The following MAGI2 variants were observed in gnomAD, a reference collection of about 807,000 sequenced individuals.
The protein encoded by MAGI2 is membrane-associated guanylate kinase, WW and PDZ domain-containing protein 2.
In MAGI2, 35 loss-of-function variants were observed where a neutral mutation model predicts 133.3. That is an observed-to-expected ratio of 0.26 (90% CI 0.20 to 0.35). The LOEUF (loss-of-function observed/expected upper bound fraction) is 0.35. Ranked by LOEUF, MAGI2 falls within the 10% of genes least tolerant of loss-of-function variation. The pLI, the probability that MAGI2 is intolerant of heterozygous loss-of-function variation, is 1.00. For synonymous variants in MAGI2, 729 were observed against 710.6 expected (o/e 1.03, Z -0.41); for missense variants, 1,636 against 1,863.4 (o/e 0.88, Z 2.25).
chr7:78,999,116 G>A (rs1438290710), intron 2 of MAGI2, among the ~76,000 whole-genome samples: 1 of 151,916 alleles, frequency 6.6e-6, no homozygotes, highest in African/African-American at 2.4e-5. Flanking sequence ...ATGATCAATA[G>A]CCCACAAACC....
rs78401656 is a variant in MAGI2 at position 79,407,354 on chromosome 7, A to G, written c.301+45666T>C. On this transcript the variant is annotated intron_variant, in intron 1 of 21. Transcript: ENST00000354212. The stretch of plus-strand genomic sequence containing the variant: ...GTGATTCTTACAAACCCTGAAAGAT[A>G]TATTATCTCAGCTCCTAGCCTTAAT... Among the ~76,000 whole-genome samples, 248 of 152,252 alleles carry G rather than the reference A, an allele frequency of 1.6e-3. 9 individuals carry two copies. The East Asian group carries it at 0.041, about 25-fold the overall frequency.
chr7:78,988,561 C>A (rs1805475623), intron 2 of MAGI2, among the ~76,000 whole-genome samples: 1 of 152,018 alleles, frequency 6.6e-6, no homozygotes. Flanking sequence ...TTAATTAAAG[C>A]CCTGTGTTAT....
intron 1 of MAGI2, among the ~76,000 whole-genome samples, chr7:79,419,925 T>G (rs1846823034): frequency 6.6e-6 from 1 of 152,040 alleles, no homozygotes; most frequent in Admixed American, 6.6e-5. Context: ...GAATAAAATG[T>G]CCACCTACAT....
chr7:78,973,392 G>A (rs923119383), intron 2 of MAGI2, among the ~76,000 whole-genome samples: 4 of 151,678 alleles, frequency 2.6e-5, no homozygotes, highest in African/African-American at 7.3e-5. Flanking sequence ...ATCACAGAGG[G>A]ACTTCTTTAC....
Position 78,019,300 on chromosome 7 carries a change from C to T in MAGI2, c.*15G>A. The stretch of plus-strand genomic sequence containing the variant: ...GCCTGCGCCGGGGCGGGCGGGTTGG[C>T]CGTGGCCGCGCGGCTCATCTGCTGG... On this transcript the variant is annotated 3_prime_UTR_variant, in exon 22 of 22. Transcript: ENST00000354212. 6.4e-7 allele frequency: 1 copy of T among 1,570,946 alleles called. No individual in the cohort carries two copies. The highest frequency in any genetic ancestry group is 8.6e-7 in the Non-Finnish European group (1 of 1,168,110).
intron 20 of MAGI2, among the ~76,000 whole-genome samples, chr7:78,114,038 T>G (rs901481397): frequency 6.6e-6 from 1 of 152,210 alleles, no homozygotes; most frequent in African/African-American, 2.4e-5. Context: ...TGTGAGCCCC[T>G]GACAGGGTAA....
intron 2 of MAGI2, among the ~76,000 whole-genome samples, chr7:78,983,085 G>A (rs916819529): frequency 2.6e-5 from 4 of 151,894 alleles, no homozygotes; most frequent in Non-Finnish European, 5.9e-5. Context: ...ATGTTAAAAT[G>A]ATAATCTTTG....
intron 9 of MAGI2, among the ~76,000 whole-genome samples, chr7:78,318,532 T>C (rs915083654): frequency 2.0e-5 from 3 of 152,192 alleles, no homozygotes; most frequent in Non-Finnish European, 4.4e-5. Flanking sequence ...TGGGACCAAG[T>C]TGGAAAACAC....
intron 2 of MAGI2, among the ~76,000 whole-genome samples, chr7:78,655,449 AC>A (rs1563304854): frequency 9.9e-5 from 12 of 121,338 alleles, no homozygotes; most frequent in South Asian, 2.8e-4. Context: ...ACAAAAAAAA[AC>A]AACCAAAAAA....
At chr7:79,429,040 A>G (rs1004439400) in intron 1 of MAGI2, among the ~76,000 whole-genome samples, 1 of 152,114 alleles carries the variant, frequency 6.6e-6, no homozygotes, top group African/African-American at 2.4e-5. Context: ...TATAACTTCT[A>G]TATACTCTAG....
chr7:78,482,566 A>G (rs761291720), intron 6 of MAGI2, among the ~76,000 whole-genome samples: 3 of 151,950 alleles, frequency 2.0e-5, no homozygotes, highest in Non-Finnish European at 2.9e-5. Flanking sequence ...CTGGCATATT[A>G]TACTGCAATA....
intron 1 of MAGI2, among the ~76,000 whole-genome samples, chr7:79,202,253 G>A (rs1423163207): frequency 6.6e-6 from 1 of 151,846 alleles, no homozygotes; most frequent in Non-Finnish European, 1.5e-5. Flanking sequence ...AAAGGATTTT[G>A]ATTATCTACC....
chr7:78,512,513 C>T (rs1795690549), intron 4 of MAGI2, among the ~76,000 whole-genome samples: 2 of 152,226 alleles, frequency 1.3e-5, no homozygotes, highest in African/African-American at 4.8e-5. Context: ...TCAAGCGATT[C>T]TCTTGCCTCA....
intron 1 of MAGI2, among the ~76,000 whole-genome samples, chr7:79,441,491 G>A (rs1277382417): frequency 6.6e-6 from 1 of 152,012 alleles, no homozygotes; most frequent in Non-Finnish European, 1.5e-5. Flanking sequence ...TTAGCATACT[G>A]TTTGGGCTAG....
intron 1 of MAGI2, among the ~76,000 whole-genome samples, chr7:79,084,209 T>C (rs1010335207): frequency 6.6e-6 from 1 of 151,616 alleles, no homozygotes; most frequent in East Asian, 1.9e-4. Context: ...GTTCAATTTG[T>C]TCCTTTTTCT....
At chr7:78,289,753 A>C (rs532552585) in intron 9 of MAGI2, among the ~76,000 whole-genome samples, 22 of 152,322 alleles carry the variant, frequency 1.4e-4, no homozygotes, top group Non-Finnish European at 2.8e-4. Flanking sequence ...CTAACAGCAG[A>C]TCTCCCTGCA....
chr7:78,783,666 G>T (rs753884712), intron 2 of MAGI2, among the ~76,000 whole-genome samples: 3 of 152,152 alleles, frequency 2.0e-5, no homozygotes, highest in African/African-American at 4.8e-5. Flanking sequence ...AATCCACAAG[G>T]TGTCAATTTC....
At chr7:78,130,545 A>G (rs540911712) in intron 18 of MAGI2, among the ~76,000 whole-genome samples, 3 of 152,202 alleles carry the variant, frequency 2.0e-5, no homozygotes, top group Non-Finnish European at 2.9e-5. Context: ...TTTAAATGCA[A>G]TTGGGAAAAA....
At chr7:78,735,754 T>C (rs2151237657) in intron 2 of MAGI2, among the ~76,000 whole-genome samples, 1 of 152,322 alleles carries the variant, frequency 6.6e-6, no homozygotes, top group East Asian at 1.9e-4. Flanking sequence ...GAGAGCAGCC[T>C]CAAGGGTTTA....
Sources: gnomAD v4.1 joint callset for allele counts (sites outside exome capture counted in the v4.1 genomes callset) on GRCh38, gnomAD v4.1.1 for gene constraint, MANE v1.5 for transcripts, NCBI Gene and HGNC (gene_info 2026-07-23, HGNC 2026-07-21) for gene names.